The following PLCB1 variants were observed in gnomAD, a reference collection of about 807,000 sequenced individuals.
PLCB1 encodes the protein phospholipase C beta 1.
PLCB1 carries 46 observed loss-of-function variants against 161.8 expected under a neutral mutation model. The ratio of observed to expected loss-of-function variants is 0.28; its 90% confidence interval spans 0.22 to 0.36. The LOEUF (loss-of-function observed/expected upper bound fraction) is 0.36. Among genes scored for constraint, PLCB1 ranks in the 10% least tolerant of loss-of-function variants. The probability of loss-of-function intolerance (pLI) is 1.00; values close to 1 mark genes in which losing one functional copy is unlikely to be tolerated. For missense variants in PLCB1, 1,016 were observed against 1,472.5 expected (o/e 0.69, Z 5.07); for synonymous variants, 517 against 503.7 (o/e 1.03, Z -0.35).
At chr20:8,478,659 A>C (rs933695409) in intron 3 of PLCB1, among the ~76,000 whole-genome samples, 1 of 152,302 alleles carries the variant, frequency 6.6e-6, no homozygotes, top group South Asian at 2.1e-4. Context: ...ATTCTAATTA[A>C]GGAAGGTAGC....
intron 2 of PLCB1, among the ~76,000 whole-genome samples, chr20:8,235,877 T>TA (rs72147445): frequency 6.6e-6 from 1 of 151,926 alleles, no homozygotes; most frequent in African/African-American, 2.4e-5. Flanking sequence ...GACCTATATT[T>TA]AAAAAAAATC....
chr20:8,240,822 C>T (rs1980570795), intron 2 of PLCB1, among the ~76,000 whole-genome samples: 1 of 151,806 alleles, frequency 6.6e-6, no homozygotes. Flanking sequence ...AAATTTTTTC[C>T]AAATTTATAA....
intron 31 of PLCB1, among the ~76,000 whole-genome samples, chr20:8,864,407 CTTA>C (rs1415663941): frequency 6.6e-6 from 1 of 152,082 alleles, no homozygotes; most frequent in East Asian, 1.9e-4. Context: ...AGCATAACAC[CTTA>C]TTATTTTATG....
intron 2 of PLCB1, among the ~76,000 whole-genome samples, chr20:8,232,799 T>G (rs1980126357): frequency 6.6e-6 from 1 of 152,196 alleles, no homozygotes; most frequent in African/African-American, 2.4e-5. Flanking sequence ...TTAAGTCCTC[T>G]CTCCTTTCTT....
At chr20:8,455,328 CA>C (rs1237714702) in intron 3 of PLCB1, among the ~76,000 whole-genome samples, 2,067 of 98,146 alleles carry the variant, frequency 0.021, 41 homozygotes, top group African/African-American at 0.065. Context: ...AACTCCATCA[CA>C]AAAAAAAAAA....
At chr20:8,831,899 CCTCTCTTTCTTT>C (rs1456833121) in intron 31 of PLCB1, among the ~76,000 whole-genome samples, 1 of 124,058 alleles carries the variant, frequency 8.1e-6, no homozygotes, top group East Asian at 3.4e-4. Flanking sequence ...TTTCTTTCTC[CCTCTCTTTCTTT>C]CTCTTTCTTT....
intron 23 of PLCB1, among the ~76,000 whole-genome samples, chr20:8,754,870 A>T (rs1210990678): frequency 6.6e-6 from 1 of 152,228 alleles, no homozygotes; most frequent in Non-Finnish European, 1.5e-5. Flanking sequence ...CATTGGGACC[A>T]TGACTTTCCA....
intron 2 of PLCB1, among the ~76,000 whole-genome samples, chr20:8,257,496 G>GCTGA: frequency 2.0e-5 from 3 of 152,222 alleles, no homozygotes; most frequent in Admixed American, 2.0e-4. Flanking sequence ...AGTTAGGATG[G>GCTGA]CTGACTTCAA....
intron 11 of PLCB1, among the ~76,000 whole-genome samples, chr20:8,707,022 A>G (rs1167391130): frequency 6.6e-6 from 1 of 152,188 alleles, no homozygotes; most frequent in African/African-American, 2.4e-5. Context: ...AAATAAATCA[A>G]ATATAGCATT....
chr20:8,136,568 G>A (rs1445988705), intron 1 of PLCB1, among the ~76,000 whole-genome samples: 4 of 151,530 alleles, frequency 2.6e-5, no homozygotes, highest in Non-Finnish European at 2.9e-5. Flanking sequence ...GGAGCTTGCA[G>A]TGAGCCGAGA....
intron 2 of PLCB1, among the ~76,000 whole-genome samples, chr20:8,300,662 G>A (rs950352146): frequency 6.6e-6 from 1 of 151,998 alleles, no homozygotes; most frequent in African/African-American, 2.4e-5. Context: ...TTTAGCATTA[G>A]GTATGTTATT....
At chr20:8,816,844 G>A (rs1985106625) in intron 31 of PLCB1, among the ~76,000 whole-genome samples, 1 of 152,194 alleles carries the variant, frequency 6.6e-6, no homozygotes, top group Admixed American at 6.5e-5. Flanking sequence ...ATCCATTAGT[G>A]ATAAAAGTTA....
Position 8,788,613 on chromosome 20 carries a change from T to C in PLCB1, c.3189-20T>C. The stretch of plus-strand genomic sequence containing the variant: ...TCTGATTTGCCTCTTTTTTCTCTTT[T>C]ACTTCCATTGTGACTTCAGAGAAAA... On this transcript the variant is annotated intron_variant, in intron 28 of 31. Coordinates refer to ENST00000338037, the MANE Select transcript of PLCB1 (RefSeq NM_015192.4). The C allele has an allele frequency of 6.3e-7, 1 of 1,598,906 alleles. No individual in the cohort carries two copies. Among genetic ancestry groups the C allele is most frequent in the Non-Finnish European group, 8.5e-7 (1 of 1,169,762 alleles).
At chr20:8,479,909 C>A (rs944307409) in intron 3 of PLCB1, among the ~76,000 whole-genome samples, 1 of 152,194 alleles carries the variant, frequency 6.6e-6, no homozygotes, top group African/African-American at 2.4e-5. Flanking sequence ...ACGTTCCATG[C>A]AGTCATGTCT....
chr20:8,167,582 A>C (rs2051688512), intron 2 of PLCB1, among the ~76,000 whole-genome samples: 1 of 152,182 alleles, frequency 6.6e-6, no homozygotes, highest in South Asian at 2.1e-4. Flanking sequence ...TCTTTCCACT[A>C]GTGATTTAGT....
chr20:8,822,749 C>T (rs928575713), intron 31 of PLCB1, among the ~76,000 whole-genome samples: 1 of 152,160 alleles, frequency 6.6e-6, no homozygotes, highest in African/African-American at 2.4e-5. Flanking sequence ...TGGGAAGACC[C>T]CTCTGAGTTC....
chr20:8,348,939 G>C (rs866304016), intron 2 of PLCB1, among the ~76,000 whole-genome samples: 5 of 151,628 alleles, frequency 3.3e-5, no homozygotes, highest in South Asian at 2.1e-4. Context: ...CCCTCAAGTG[G>C]CTTTCTTCAA....
Position 8,371,737 on chromosome 20 carries a change from A to T in PLCB1, c.246+287A>T, listed in dbSNP as rs1986911145. 3 of 312,224 alleles carry T rather than the reference A, an allele frequency of 9.6e-6. No individual in the cohort carries two copies. The East Asian group carries it at 1.6e-4, about 16-fold the overall frequency. 19.3% of individuals were successfully genotyped at this position (312,224 alleles called of 1,614,324 possible). ...AGTTACTGGGTAATTCTAAATGATTAAAAAGTACTTGAAATTATTTGAAAA... is the reference window on the plus strand; with the variant it reads ...AGTTACTGGGTAATTCTAAATGATTTAAAAGTACTTGAAATTATTTGAAAA... On this transcript the variant is annotated intron_variant, in intron 3 of 31. Coordinates refer to ENST00000338037, the MANE Select transcript of PLCB1 (RefSeq NM_015192.4).
intron 10 of PLCB1, among the ~76,000 whole-genome samples, chr20:8,693,500 A>G (rs923778857): frequency 1.3e-5 from 2 of 152,210 alleles, no homozygotes; most frequent in African/African-American, 2.4e-5. Flanking sequence ...CCATGAGATT[A>G]TATGCCCTGA....
Sources: gnomAD v4.1 joint callset for allele counts (sites outside exome capture counted in the v4.1 genomes callset) on GRCh38, gnomAD v4.1.1 for gene constraint, MANE v1.5 for transcripts, NCBI Gene and HGNC (gene_info 2026-07-23, HGNC 2026-07-21) for gene names.